NDFIP2: variants seen among roughly 807,000 people sequenced by gnomAD.
NDFIP2 encodes NEDD4 family-interacting protein 2.
A neutral mutation model predicts 36.0 loss-of-function variants in NDFIP2; 19 were observed. The ratio of observed to expected loss-of-function variants is 0.53; its 90% CI spans 0.37 to 0.77. The LOEUF (loss-of-function observed/expected upper bound fraction) is 0.77, where lower values mean the gene tolerates loss of function less well. Ranked by LOEUF, NDFIP2 falls within the 30% of genes least tolerant of loss-of-function variation. The pLI is 0.00. For missense variants in NDFIP2, 446 were observed against 435.8 expected (o/e 1.02, Z -0.21); for synonymous variants, 181 against 167.7 (o/e 1.08, Z -0.61).
chr13:79,514,819 C>A (rs150721058), intron 1 of NDFIP2, among the ~76,000 whole-genome samples: 55 of 152,186 alleles, frequency 3.6e-4, no homozygotes, highest in African/African-American at 1.1e-3. Context: ...GCTTAATTAT[C>A]CCCCCCTTAC....
At chr13:79,509,416 A>G (rs1873990405) in intron 1 of NDFIP2, among the ~76,000 whole-genome samples, 1 of 152,148 alleles carries the variant, frequency 6.6e-6, no homozygotes, top group Admixed American at 6.5e-5. Context: ...GTGGAGACCA[A>G]GGTTTGATCA....
chr13:79,486,795 T>C (rs573789305), intron 1 of NDFIP2, among the ~76,000 whole-genome samples: 1 of 152,222 alleles, frequency 6.6e-6, no homozygotes, highest in South Asian at 2.1e-4. Flanking sequence ...TGGGGTCCTG[T>C]AAGATGTGTT....
intron 2 of NDFIP2, among the ~76,000 whole-genome samples, chr13:79,526,254 A>C (rs1479644180): frequency 1.3e-5 from 2 of 152,220 alleles, no homozygotes; most frequent in African/African-American, 4.8e-5. Context: ...TGAAGATCAA[A>C]ATGTTATTTT....
At chr13:79,526,964 A>T (rs994885145) in intron 2 of NDFIP2, among the ~76,000 whole-genome samples, 4 of 152,192 alleles carry the variant, frequency 2.6e-5, no homozygotes, top group Non-Finnish European at 5.9e-5. Context: ...TAAAGACAGA[A>T]TTCGAACTCA....
intron 1 of NDFIP2, among the ~76,000 whole-genome samples, chr13:79,503,481 T>C (rs1205603346): frequency 6.6e-6 from 1 of 152,050 alleles, no homozygotes; most frequent in Non-Finnish European, 1.5e-5. Flanking sequence ...TAGCAGGGAA[T>C]AGAGGGCCCA....
intron 1 of NDFIP2, among the ~76,000 whole-genome samples, chr13:79,513,688 T>C (rs73551581): frequency 0.027 from 4,039 of 150,534 alleles, 177 homozygotes; most frequent in African/African-American, 0.093. Context: ...CATGTTTTCC[T>C]CTCCTTTATG....
At chr13:79,540,719 T>C (rs1224710725) in intron 4 of NDFIP2, among the ~76,000 whole-genome samples, 2 of 152,208 alleles carry the variant, frequency 1.3e-5, no homozygotes, top group Admixed American at 1.3e-4. Context: ...ATGTAAACCC[T>C]GTCCTCCAAG....
intron 1 of NDFIP2, among the ~76,000 whole-genome samples, chr13:79,517,094 G>A (rs1230503759): frequency 6.6e-6 from 1 of 152,022 alleles, no homozygotes; most frequent in African/African-American, 2.4e-5. Flanking sequence ...GAGCTCTGTT[G>A]TCATTTTTTT....
intron 3 of NDFIP2, among the ~76,000 whole-genome samples, chr13:79,534,350 G>GTTTTTTTT (rs532659161): frequency 1.7e-4 from 16 of 95,406 alleles, no homozygotes; most frequent in African/African-American, 2.4e-4. Flanking sequence ...TTTGTCAGCT[G>GTTTTTTTT]TTTTTTTTTT....
At position 79,554,207 on chromosome 13, in the gene NDFIP2, C is replaced by T. The variant is rs1213588487; in HGVS notation, c.*1694C>T. 3 of 151,564 alleles carry T rather than the reference C, an allele frequency of 2.0e-5. No individual in the cohort carries two copies. The highest frequency in any genetic ancestry group is 7.3e-5 in the African/African-American group (3 of 41,370). The allele number at this position is 151,564 out of a possible 1,614,324, so 9.4% of individuals were successfully genotyped here. A position where few individuals can be genotyped will look rare whatever the true frequency, so the allele number is the denominator to read the frequency against. ...CTGTGTTACACCCCTTGAAGTAAGA[C>T]AGTAGCATGGGGTAAAGAAAAAATA... On this transcript the variant is annotated 3_prime_UTR_variant, in exon 8 of 8. Coordinates refer to ENST00000218652, the MANE Select transcript of NDFIP2 (RefSeq NM_019080.3).
At chr13:79,527,115 T>TA (rs1874826946) in intron 2 of NDFIP2, among the ~76,000 whole-genome samples, 1 of 152,160 alleles carries the variant, frequency 6.6e-6, no homozygotes, top group South Asian at 2.1e-4. Flanking sequence ...TATAATGGGT[T>TA]AAAAAGAGCA....
Position 79,549,299 on chromosome 13 carries a change from T to C in NDFIP2, c.907+905T>C, listed in dbSNP as rs143439534. Reference sequence around the variant, plus strand: ...TGGAGGTGAAGCCAGTTTTATATTATGTGTTCTAACTGCCTGAATGCCGTG... The same window carrying C: ...TGGAGGTGAAGCCAGTTTTATATTACGTGTTCTAACTGCCTGAATGCCGTG... On this transcript the variant is annotated intron_variant, in intron 6 of 7. Coordinates refer to ENST00000218652, the MANE Select transcript of NDFIP2 (RefSeq NM_019080.3). 1.3e-3 allele frequency among the ~76,000 whole-genome samples: 205 copies of C among 152,126 alleles called. 2 individuals carry two copies. The highest frequency in any genetic ancestry group is 4.8e-3 in the African/African-American group (201 of 41,576).
chr13:79,489,549 A>G (rs1873145509), intron 1 of NDFIP2, among the ~76,000 whole-genome samples: 1 of 152,158 alleles, frequency 6.6e-6, no homozygotes, highest in African/African-American at 2.4e-5. Context: ...CCATCTTTGG[A>G]GATGATGTGC....
chr13:79,518,404 T>C (rs1357029966), intron 1 of NDFIP2, among the ~76,000 whole-genome samples: 1 of 152,226 alleles, frequency 6.6e-6, no homozygotes, highest in Non-Finnish European at 1.5e-5. Flanking sequence ...TTTTGTTAAG[T>C]TATAATACAT....
chr13:79,521,090 A>G (rs1027659585), intron 2 of NDFIP2, 115 bp downstream of exon 2: 1 of 805,988 alleles, frequency 1.2e-6, no homozygotes, highest in Non-Finnish European at 1.9e-6. Context: ...ATGGATATTT[A>G]TATATGTATA....
intron 4 of NDFIP2, among the ~76,000 whole-genome samples, chr13:79,541,282 TTTTTAA>T (rs1228163574): frequency 6.6e-6 from 1 of 151,904 alleles, no homozygotes; most frequent in Non-Finnish European, 1.5e-5. Context: ...CAGTATCTTC[TTTTTAA>T]TTTTAATTTT....
chr13:79,548,315 G>A lies in NDFIP2; in HGVS notation c.841-13G>A. ...GTATGAATTCGGTTAATATATTTAT[G>A]TTCACTCCATAGTTTTCTGATTATT... On this transcript the variant is annotated splice_polypyrimidine_tract_variant and intron_variant, in intron 5 of 7. Transcript: ENST00000218652. 2 of 1,545,182 alleles carry A rather than the reference G, an allele frequency of 1.3e-6. No homozygotes were observed. Among genetic ancestry groups the A allele is most frequent in the Non-Finnish European group, 1.8e-6 (2 of 1,129,438 alleles).
At chr13:79,551,388 C>A (rs981888568) in intron 7 of NDFIP2, among the ~76,000 whole-genome samples, 1 of 151,268 alleles carries the variant, frequency 6.6e-6, no homozygotes, top group Admixed American at 6.6e-5. Context: ...ACTTTTAAAA[C>A]TTCTCTTTAA....
intron 2 of NDFIP2, among the ~76,000 whole-genome samples, chr13:79,529,256 A>C (rs953592220): frequency 6.6e-6 from 1 of 152,222 alleles, no homozygotes; most frequent in South Asian, 2.1e-4. Context: ...GTAGATAAAA[A>C]TAAGTAAAAT....
Sources: gnomAD v4.1 joint callset for allele counts (sites outside exome capture counted in the v4.1 genomes callset) on GRCh38, gnomAD v4.1.1 for gene constraint, MANE v1.5 for transcripts, NCBI Gene and HGNC (gene_info 2026-07-23, HGNC 2026-07-21) for gene names.